Variants in ADGRA3 observed in about 807,000 individuals in gnomAD.
ADGRA3 encodes G-protein coupled receptor 125.
ADGRA3 carries 56 observed loss-of-function variants against 119.8 expected under a neutral mutation model. The observed-to-expected ratio is 0.47, with a 90% CI of 0.38 to 0.58. The LOEUF is 0.58. ADGRA3 is among the 20% of genes least tolerant of loss of function. ADGRA3 has a pLI of 0.00. For synonymous variants in ADGRA3, 607 were observed against 623.8 expected, an observed-to-expected ratio of 0.97 and a Z score of 0.40; for missense variants, 1,516 against 1,649.0, an observed-to-expected ratio of 0.92 and a Z score of 1.40.
At chr4:22,483,483 T>C (rs1399246227) in intron 1 of ADGRA3, among the ~76,000 whole-genome samples, 2 of 152,190 alleles carry the variant, frequency 1.3e-5, no homozygotes, top group Admixed American at 6.5e-5. Flanking sequence ...GGATTCTTTC[T>C]GGAAATCAAA....
intron 14 of ADGRA3, among the ~76,000 whole-genome samples, chr4:22,406,710 A>G (rs920967267): frequency 6.6e-6 from 1 of 152,100 alleles, no homozygotes; most frequent in African/African-American, 2.4e-5. Context: ...CCACAAGAGC[A>G]TTTTTGACCT....
At chr4:22,414,496 A>C in intron 12 of ADGRA3, 1 of 597,986 alleles carries the variant, frequency 1.7e-6, no homozygotes, top group Non-Finnish European at 2.9e-6. Flanking sequence ...ATACCAAAGA[A>C]GTGAACAATT....
chr4:22,413,713 T>C lies in ADGRA3; in HGVS notation c.1911A>G (p.Gln637=), dbSNP rs755306068. 4 of 1,613,890 alleles carry C rather than the reference T, an allele frequency of 2.5e-6. No homozygotes were observed. Among genetic ancestry groups the C allele is most frequent in the South Asian group, 1.1e-5 (1 of 91,068 alleles). ...GCTTTCCATTGCGGAATGCAATGAGTTGAAGCTTGTAAAGAGAGTCATCAG... is the reference window on the plus strand; with the variant it reads ...GCTTTCCATTGCGGAATGCAATGAGCTGAAGCTTGTAAAGAGAGTCATCAG... ...RPTDDSLYKL[Q]LIAFRNGKLF... Residue 637 remains glutamine, a synonymous_variant, in exon 13 of 19, where the codon CAA becomes CAG. Coordinates refer to ENST00000334304, the MANE Select transcript of ADGRA3 (RefSeq NM_145290.4).
At chr4:22,438,200 C>T in intron 8 of ADGRA3, 56 bp downstream of exon 8, 1 of 1,474,668 alleles carries the variant, frequency 6.8e-7, no homozygotes, top group Non-Finnish European at 9.4e-7. Flanking sequence ...GTGTCTTAGA[C>T]AACAGAAGGA....
Position 22,484,401 on chromosome 4 carries a change from T to C in ADGRA3, c.258-10558A>G, listed in dbSNP as rs1261001208. On this transcript the variant is annotated intron_variant, in intron 1 of 18. Coordinates refer to ENST00000334304, the MANE Select transcript of ADGRA3 (RefSeq NM_145290.4). ...GGGTGGATCACTTGAGGTCAGGAGT[T>C]TGAGACCAGCCTGACCAACATGGTG... 3.3e-5 allele frequency among the ~76,000 whole-genome samples: 5 copies of C among 152,102 alleles called. 1 individual carries two copies. The highest frequency in any genetic ancestry group is 7.4e-5 in the Non-Finnish European group (5 of 68,012).
intron 1 of ADGRA3, among the ~76,000 whole-genome samples, chr4:22,483,892 G>A (rs1450195408): frequency 6.6e-6 from 1 of 152,172 alleles, no homozygotes; most frequent in African/African-American, 2.4e-5. Flanking sequence ...TCATTCATGT[G>A]TCATAGAGAA....
chr4:22,447,381 T>C (rs1716867315), intron 5 of ADGRA3, 59 bp downstream of exon 5: 1 of 1,055,044 alleles, frequency 9.5e-7, no homozygotes, highest in Non-Finnish European at 1.4e-6. Context: ...TAAATGTTTT[T>C]AATTTTCAAA....
At chr4:22,410,324 C>T (rs577149317) in intron 14 of ADGRA3, among the ~76,000 whole-genome samples, 2 of 152,222 alleles carry the variant, frequency 1.3e-5, no homozygotes, top group South Asian at 4.1e-4. Flanking sequence ...CAGACACCAG[C>T]TCCTGTGAAT....
At chr4:22,477,780 C>A (rs1270203449) in intron 1 of ADGRA3, 1 of 152,112 alleles carries the variant, frequency 6.6e-6, no homozygotes, top group Non-Finnish European at 1.5e-5. Flanking sequence ...CAGTTTACAA[C>A]CTCAAGTTAA....
chr4:22,464,626 A>G (rs1194742333), intron 2 of ADGRA3, among the ~76,000 whole-genome samples: 2 of 152,222 alleles, frequency 1.3e-5, no homozygotes, highest in Non-Finnish European at 2.9e-5. Context: ...TCACGCCTGC[A>G]GTCCCTCTAC....
At chr4:22,444,657 A>T (rs1471196428) in intron 6 of ADGRA3, among the ~76,000 whole-genome samples, 4 of 152,106 alleles carry the variant, frequency 2.6e-5, no homozygotes, top group Non-Finnish European at 5.9e-5. Flanking sequence ...GCATCCTGAG[A>T]TTGTGTTACT....
At chr4:22,452,294 TATAATGTAC>T (rs1717073808) in intron 4 of ADGRA3, among the ~76,000 whole-genome samples, 1 of 152,104 alleles carries the variant, frequency 6.6e-6, no homozygotes, top group South Asian at 2.1e-4. Context: ...GATTAATGGG[TATAATGTAC>T]ATGATTCAGG....
At chr4:22,513,585 C>T (rs1013354800) in intron 1 of ADGRA3, among the ~76,000 whole-genome samples, 2 of 149,974 alleles carry the variant, frequency 1.3e-5, no homozygotes, top group African/African-American at 4.9e-5. Context: ...GATTTCGGCT[C>T]ACTGCAATCT....
At chr4:22,396,439 A>T (rs1432218295) in intron 16 of ADGRA3, among the ~76,000 whole-genome samples, 3 of 152,230 alleles carry the variant, frequency 2.0e-5, no homozygotes, top group Non-Finnish European at 2.9e-5. Context: ...GTCAGAGGTA[A>T]GAACCTTAAC....
intron 16 of ADGRA3, chr4:22,398,140 TA>T (rs1033782872): frequency 1.0e-6 from 1 of 982,826 alleles, no homozygotes; most frequent in African/African-American, 1.7e-5. Context: ...AGTAACAGCC[TA>T]AAACAAAAAT....
At chr4:22,473,145 G>T (rs1287692867) in intron 2 of ADGRA3, 1 of 152,100 alleles carries the variant, frequency 6.6e-6, no homozygotes, top group Admixed American at 6.5e-5. Flanking sequence ...CATGTGACAT[G>T]CAAGTTTGGC....
At position 22,502,165 on chromosome 4, in the gene ADGRA3, G is replaced by A. The variant is rs368263437; in HGVS notation, c.257+13363C>T. 6.8e-4 allele frequency among the ~76,000 whole-genome samples: 103 copies of A among 152,288 alleles called. 2 individuals are homozygous for A. In the South Asian group the frequency reaches 0.02, roughly 30 times the overall value. ...AAGCTAGCCAGGTACTCCTGAGAGC[G>A]ACAGCCAACCCAAACCACGTAAGGG... On this transcript the variant is annotated intron_variant, in intron 1 of 18. Transcript: ENST00000334304.
chr4:22,389,849 G>A (rs921599718), intron 17 of ADGRA3, among the ~76,000 whole-genome samples: 7 of 152,128 alleles, frequency 4.6e-5, no homozygotes, highest in Non-Finnish European at 1.0e-4. Context: ...TCATCTCTGA[G>A]CTCCTTGATC....
At chr4:22,463,509 T>A (rs1717550009) in intron 2 of ADGRA3, among the ~76,000 whole-genome samples, 1 of 152,120 alleles carries the variant, frequency 6.6e-6, no homozygotes, top group African/African-American at 2.4e-5. Flanking sequence ...CCTCTCCAAA[T>A]CAGAAAGCAG....
Sources: gnomAD v4.1 joint callset for allele counts (sites outside exome capture counted in the v4.1 genomes callset) on GRCh38, gnomAD v4.1.1 for gene constraint, MANE v1.5 for transcripts, NCBI Gene and HGNC (gene_info 2026-07-23, HGNC 2026-07-21) for gene names.